Variants in ROBO2 observed in about 807,000 individuals in gnomAD.
ROBO2 encodes the protein roundabout guidance receptor 2, also known as roundabout homolog 2.
ROBO2 carries 53 observed loss-of-function variants against 160.8 expected under a neutral mutation model. That is an observed-to-expected ratio of 0.33 (90% CI 0.26 to 0.41). ROBO2 has a LOEUF of 0.41. Among genes scored for constraint, ROBO2 ranks in the 10% least tolerant of loss-of-function variants. The pLI, the probability that ROBO2 is intolerant of heterozygous loss-of-function variation, is 1.00. For missense variants in ROBO2, 1,577 were observed against 1,722.4 expected (o/e 0.92, Z 1.49); for synonymous variants, 664 against 611.7 (o/e 1.09, Z -1.26).
chr3:77,580,943 C>T (rs1293818035), intron 16 of ROBO2, among the ~76,000 whole-genome samples: 4 of 152,126 alleles, frequency 2.6e-5, no homozygotes, highest in Non-Finnish European at 5.9e-5. Flanking sequence ...TATATAATTT[C>T]GTACTCCCAC....
At chr3:76,547,509 G>A (rs2083175758) in intron 2 of ROBO2, among the ~76,000 whole-genome samples, 1 of 151,842 alleles carries the variant, frequency 6.6e-6, no homozygotes, top group African/African-American at 2.4e-5. Context: ...AGAAAAGAAA[G>A]AAAGCATTAA....
At chr3:76,661,782 A>G (rs1300997998) in intron 2 of ROBO2, among the ~76,000 whole-genome samples, 3 of 152,232 alleles carry the variant, frequency 2.0e-5, no homozygotes, top group African/African-American at 7.2e-5. Flanking sequence ...AGGTCTTCTT[A>G]TCACCTTAAA....
At chr3:76,989,017 A>C (rs2060528308) in intron 2 of ROBO2, among the ~76,000 whole-genome samples, 1 of 150,370 alleles carries the variant, frequency 6.7e-6, no homozygotes, top group Admixed American at 6.6e-5. Context: ...CTGTATTTTC[A>C]TATGTATTAT....
rs557520370 is a variant in ROBO2, at chr3:76,509,545, A to G, written c.109+571943A>G. On this transcript the variant is annotated intron_variant, in intron 2 of 26. Transcript: ENST00000487694. ...TCCTTATTCAATGGCAGATGGTAGC[A>G]TGTTTACATGGTACCTGTAGAGAGA... Among the ~76,000 whole-genome samples, 108 of 152,294 alleles carry G rather than the reference A, an allele frequency of 7.1e-4. 1 individual carries two copies. The South Asian group carries it at 0.021, about 29-fold the overall frequency.
intron 2 of ROBO2, among the ~76,000 whole-genome samples, chr3:76,928,642 G>A (rs533664125): frequency 6.6e-6 from 1 of 152,100 alleles, no homozygotes; most frequent in African/African-American, 2.4e-5. Context: ...AAATTTCACA[G>A]GGTCTCAACA....
Position 76,784,364 on chromosome 3 carries a change from G to C in ROBO2, c.110-313650G>C, listed in dbSNP as rs955768615. ...ACTTCTCTTGTTTCTTCTTGGGGAG[G>C]ATGTCTTGGGATTGTGTGTCTTCTT... On this transcript the variant is annotated intron_variant, in intron 2 of 26. Transcript: ENST00000487694. Among the ~76,000 whole-genome samples the C allele has an allele frequency of 4.6e-4, 70 of 151,196 alleles. 1 individual carries two copies. Among genetic ancestry groups the C allele is most frequent in the African/African-American group, 1.1e-3 (47 of 41,372 alleles).
intron 1 of ROBO2, among the ~76,000 whole-genome samples, chr3:75,919,954 TC>T (rs1369639402): frequency 6.6e-6 from 1 of 152,110 alleles, no homozygotes; most frequent in African/African-American, 2.4e-5. Context: ...TGGCTACCGG[TC>T]TATCTATTTT....
chr3:77,350,098 C>CAT (rs1394876066), intron 2 of ROBO2, among the ~76,000 whole-genome samples: 2 of 150,560 alleles, frequency 1.3e-5, no homozygotes, highest in East Asian at 3.9e-4. Context: ...CACACACATT[C>CAT]ATATATATAT....
intron 2 of ROBO2, among the ~76,000 whole-genome samples, chr3:76,078,720 A>T (rs2068722546): frequency 7.2e-6 from 1 of 139,636 alleles, no homozygotes; most frequent in African/African-American, 2.7e-5. Context: ...TAACTAATGT[A>T]ACACAATATT....
At chr3:76,544,981 T>C (rs572390751) in intron 2 of ROBO2, among the ~76,000 whole-genome samples, 2 of 152,110 alleles carry the variant, frequency 1.3e-5, no homozygotes, top group East Asian at 3.9e-4. Context: ...CCCTCCATCA[T>C]ATCCCACACA....
chr3:76,335,173 GTTTTGTTTTTTT>G (rs2073783604), intron 2 of ROBO2, among the ~76,000 whole-genome samples: 1 of 94,190 alleles, frequency 1.1e-5, no homozygotes, highest in African/African-American at 3.6e-5. Context: ...AAACTTTTCT[GTTTTGTTTTTTT>G]TTTTTTTTTT....
chr3:77,605,061 G>T (rs972381688), intron 20 of ROBO2, among the ~76,000 whole-genome samples: 2 of 151,388 alleles, frequency 1.3e-5, no homozygotes, highest in African/African-American at 2.4e-5. Flanking sequence ...AGCTACTTGA[G>T]AGTCTGGGGT....
chr3:77,100,646 G>A (rs1288072817), intron 2 of ROBO2, among the ~76,000 whole-genome samples: 1 of 152,042 alleles, frequency 6.6e-6, no homozygotes, highest in South Asian at 2.1e-4. Flanking sequence ...CACTGAAAGA[G>A]GTGTTAAGGA....
At chr3:76,990,917 A>G (rs905171135) in intron 2 of ROBO2, among the ~76,000 whole-genome samples, 2 of 152,112 alleles carry the variant, frequency 1.3e-5, no homozygotes, top group Non-Finnish European at 2.9e-5. Flanking sequence ...CTCCCCTCCC[A>G]AGTGCTGGCG....
chr3:77,599,043 G>C (rs1480990880), intron 19 of ROBO2, among the ~76,000 whole-genome samples: 1 of 152,004 alleles, frequency 6.6e-6, no homozygotes, highest in Non-Finnish European at 1.5e-5. Context: ...GATTTGCAAG[G>C]TTTTTCTTCC....
At chr3:76,863,009 A>T (rs2070962534) in intron 2 of ROBO2, among the ~76,000 whole-genome samples, 2 of 152,072 alleles carry the variant, frequency 1.3e-5, no homozygotes, top group Admixed American at 6.6e-5. Context: ...TAGAACACAT[A>T]CCTAATCATT....
chr3:76,659,280 T>C (rs990787981), intron 2 of ROBO2, among the ~76,000 whole-genome samples: 1 of 149,574 alleles, frequency 6.7e-6, no homozygotes, highest in South Asian at 2.1e-4. Flanking sequence ...TTTCCAGGGG[T>C]TGGGGGAAGG....
At chr3:76,039,548 C>A (rs969083062) in intron 2 of ROBO2, among the ~76,000 whole-genome samples, 1 of 151,880 alleles carries the variant, frequency 6.6e-6, no homozygotes, top group Non-Finnish European at 1.5e-5. Flanking sequence ...ATTTAAATTA[C>A]CTTGCATTTG....
At chr3:77,303,036 T>C (rs2062792063) in intron 2 of ROBO2, among the ~76,000 whole-genome samples, 1 of 152,186 alleles carries the variant, frequency 6.6e-6, no homozygotes, top group African/African-American at 2.4e-5. Flanking sequence ...CACATCAGCT[T>C]TAATTATAAT....
Sources: gnomAD v4.1 joint callset for allele counts (sites outside exome capture counted in the v4.1 genomes callset) on GRCh38, gnomAD v4.1.1 for gene constraint, MANE v1.5 for transcripts, NCBI Gene and HGNC (gene_info 2026-07-23, HGNC 2026-07-21) for gene names.